The following ESR1 variants were observed in gnomAD, a reference collection of about 807,000 sequenced individuals.
ESR1 encodes the protein estrogen receptor 1, also known as estrogen receptor.
In ESR1, 12 loss-of-function variants were observed where a neutral mutation model predicts 52.7. That is an observed-to-expected ratio of 0.23 (90% CI 0.15 to 0.37). ESR1 has a LOEUF of 0.37. ESR1 is among the 10% of genes least tolerant of loss of function. ESR1 has a pLI of 1.00. For synonymous variants in ESR1, 305 were observed against 316.8 expected, an observed-to-expected ratio of 0.96 and a Z score of 0.39; for missense variants, 584 against 779.7, an observed-to-expected ratio of 0.75 and a Z score of 2.99.
At chr6:152,033,185 A>G (rs1301648301) in intron 5 of ESR1, among the ~76,000 whole-genome samples, 9 of 152,122 alleles carry the variant, frequency 5.9e-5, no homozygotes, top group Non-Finnish European at 1.2e-4. Context: ...AACCATAAAA[A>G]CCCTAGAAGA....
intron 5 of ESR1, 98 bp downstream of exon 5, chr6:152,011,892 A>G (rs1249111359): frequency 7.5e-7 from 1 of 1,340,754 alleles, no homozygotes; most frequent in Non-Finnish European, 1.0e-6. Flanking sequence ...GCTTCAGAGA[A>G]CTTTATTAGG....
intron 5 of ESR1, among the ~76,000 whole-genome samples, chr6:152,019,237 T>C (rs986611685): frequency 2.0e-5 from 3 of 152,164 alleles, no homozygotes; most frequent in African/African-American, 7.2e-5. Context: ...GCCAATTCAA[T>C]GATACCTGAA....
At chr6:151,935,519 G>T (rs1230636948) in intron 3 of ESR1, among the ~76,000 whole-genome samples, 1 of 152,202 alleles carries the variant, frequency 6.6e-6, no homozygotes, top group Non-Finnish European at 1.5e-5. Flanking sequence ...GGAGCAGGCT[G>T]CATGCAGGTG....
chr6:151,688,834 G>C (rs922721619), upstream of ESR1, among the ~76,000 whole-genome samples: 21 of 152,264 alleles, frequency 1.4e-4, no homozygotes, highest in Admixed American at 2.6e-4. Flanking sequence ...TTATATCAGG[G>C]ACTTGTCCTG....
intron 4 of ESR1, among the ~76,000 whole-genome samples, chr6:151,968,143 C>A (rs540032797): frequency 6.6e-6 from 1 of 152,144 alleles, no homozygotes; most frequent in African/African-American, 2.4e-5. Flanking sequence ...TGATCTTTGA[C>A]AAACCGGACA....
intron 4 of ESR1, among the ~76,000 whole-genome samples, chr6:151,953,095 C>T (rs2036498600): frequency 6.6e-6 from 1 of 152,114 alleles, no homozygotes; most frequent in African/African-American, 2.4e-5. Context: ...TTAGAATGGC[C>T]CTGAAACCAC....
At chr6:151,864,962 T>G (rs1306544825) in intron 2 of ESR1, among the ~76,000 whole-genome samples, 131 of 138,632 alleles carry the variant, frequency 9.4e-4, no homozygotes, top group Non-Finnish European at 9.1e-4. Context: ...GGGGGAGGGA[T>G]AGCATTAGGA....
At chr6:151,736,164 T>A (rs1476439580) in intron 2 of ESR1, among the ~76,000 whole-genome samples, 1 of 152,198 alleles carries the variant, frequency 6.6e-6, no homozygotes, top group Non-Finnish European at 1.5e-5. Flanking sequence ...GAAGGCCAAA[T>A]TAATACTGTC....
Position 152,100,165 on chromosome 6 carries a change from C to T in ESR1, c.*1199C>T, listed in dbSNP as rs955372839. 1.3e-5 allele frequency: 5 copies of T among 398,264 alleles called. No homozygotes were observed. Among genetic ancestry groups the T allele is most frequent in the Admixed American group, 4.4e-5 (1 of 22,710 alleles). 24.7% of individuals were successfully genotyped at this position (398,264 alleles called of 1,614,324 possible). A position where few individuals can be genotyped will look rare whatever the true frequency, so the allele number is the denominator to read the frequency against. The stretch of plus-strand genomic sequence containing the variant: ...TGCCCTTTGGGGGTGCCCTGGGATC[C>T]CTGGGGTAGTCCAGCTCTTCTTCAT... On this transcript the variant is annotated 3_prime_UTR_variant, in exon 8 of 8. Transcript: ENST00000206249.
chr6:151,726,989 G>A (rs1395189995), intron 2 of ESR1, among the ~76,000 whole-genome samples: 2 of 152,082 alleles, frequency 1.3e-5, no homozygotes, highest in Non-Finnish European at 2.9e-5. Flanking sequence ...TTGCTCTACA[G>A]ATTTCTGTAG....
chr6:151,968,940 T>G (rs73628441), intron 4 of ESR1, among the ~76,000 whole-genome samples: 2,245 of 152,192 alleles, frequency 0.015, 47 homozygotes, highest in African/African-American at 0.046. Flanking sequence ...GTTCTTAAGC[T>G]CTCTCTGGCC....
chr6:151,719,288 A>G (rs1181754175), intron 2 of ESR1, among the ~76,000 whole-genome samples: 2 of 152,166 alleles, frequency 1.3e-5, no homozygotes, highest in Admixed American at 1.3e-4. Context: ...AAGGTGGTAA[A>G]TGCTACAGGA....
At chr6:151,999,825 C>A (rs1401005654) in intron 4 of ESR1, among the ~76,000 whole-genome samples, 1 of 152,012 alleles carries the variant, frequency 6.6e-6, no homozygotes, top group Non-Finnish European at 1.5e-5. Flanking sequence ...TTCAGTATAA[C>A]TTGTTTCATT....
intron 2 of ESR1, among the ~76,000 whole-genome samples, chr6:151,792,009 T>C (rs1055257502): frequency 3.9e-5 from 6 of 152,244 alleles, no homozygotes; most frequent in African/African-American, 9.6e-5. Flanking sequence ...AGTATACTTA[T>C]GCCAACCTCA....
chr6:152,028,789 G>A (rs556148474), intron 5 of ESR1, among the ~76,000 whole-genome samples: 1 of 152,316 alleles, frequency 6.6e-6, no homozygotes, highest in African/African-American at 2.4e-5. Context: ...CAGCTTTGAA[G>A]ACAGTAGTGG....
intron 4 of ESR1, among the ~76,000 whole-genome samples, chr6:152,005,533 T>C (rs11966348): frequency 0.38 from 58,247 of 151,830 alleles, 12,965 homozygotes; most frequent in African/African-American, 0.61. Flanking sequence ...TTTGCAAAAG[T>C]AATGCTTTCT....
chr6:151,934,508 A>G (rs1483362539), intron 3 of ESR1, among the ~76,000 whole-genome samples: 1 of 152,212 alleles, frequency 6.6e-6, no homozygotes, highest in Non-Finnish European at 1.5e-5. Flanking sequence ...TAAGTGATAC[A>G]TGACATTCTT....
chr6:151,762,268 T>C (rs1316046342), intron 2 of ESR1, among the ~76,000 whole-genome samples: 1 of 152,234 alleles, frequency 6.6e-6, no homozygotes, highest in Non-Finnish European at 1.5e-5. Context: ...AATAAACATT[T>C]ACTAAGGTGT....
chr6:152,053,119 T>C lies in ESR1; in HGVS notation c.1236-7872T>C, dbSNP rs933731259. Reference sequence around the variant, plus strand: ...GCATTCACATTTATTTCTTCTCATATCCTCGAGTTAGAAAAAGGTATTTCT... The same window carrying C: ...GCATTCACATTTATTTCTTCTCATACCCTCGAGTTAGAAAAAGGTATTTCT... On this transcript the variant is annotated intron_variant, in intron 5 of 7. Transcript: ENST00000206249. This position sits in a 1 kb window ranked among gnomAD's most constrained non-coding sequence, Gnocchi z 4.1. Among the ~76,000 whole-genome samples the C allele has an allele frequency of 6.6e-6, 1 of 152,194 alleles. No individual in the cohort carries two copies. Among genetic ancestry groups the C allele is most frequent in the Non-Finnish European group, 1.5e-5 (1 of 68,032 alleles).
Sources: gnomAD v4.1 joint callset for allele counts (sites outside exome capture counted in the v4.1 genomes callset) on GRCh38, gnomAD v4.1.1 for gene constraint, Gnocchi (gnomAD v3.1) non-coding constraint, MANE v1.5 for transcripts, NCBI Gene and HGNC (gene_info 2026-07-23, HGNC 2026-07-21) for gene names.